Variants in CHD1L observed in about 807,000 individuals in gnomAD.
CHD1L encodes the protein ATP-dependent chromatin remodeler CHD1L.
In CHD1L, 118 loss-of-function variants were observed where a neutral mutation model predicts 115.9. The ratio of observed to expected loss-of-function variants is 1.02; its 90% confidence interval spans 0.88 to 1.19. CHD1L has a LOEUF of 1.19. Ranked by LOEUF, CHD1L falls within the 50% of genes most tolerant of loss-of-function variation. The pLI is 0.00. For missense variants in CHD1L, 1,179 were observed against 1,065.3 expected, an observed-to-expected ratio of 1.11 and a Z score of -1.49; for synonymous variants, 411 against 387.1, an observed-to-expected ratio of 1.06 and a Z score of -0.72.
chr1:147,264,722 G>C, intron 7 of CHD1L, 138 bp downstream of exon 7: 1 of 803,160 alleles, frequency 1.2e-6, no homozygotes, highest in Non-Finnish European at 1.9e-6. Context: ...CTGATATTAG[G>C]GAGATGTTAA....
At chr1:147,278,096 T>C (rs986105282) in intron 14 of CHD1L, among the ~76,000 whole-genome samples, 2 of 152,150 alleles carry the variant, frequency 1.3e-5, no homozygotes, top group Non-Finnish European at 2.9e-5. Flanking sequence ...CTGACTCTAA[T>C]GTCTGATTTA....
At chr1:147,232,183 A>C in the CHD1L span, among the ~76,000 whole-genome samples, 1 of 152,180 alleles carries the variant, frequency 6.6e-6, no homozygotes, top group South Asian at 2.1e-4. Flanking sequence ...CTGTGACATG[A>C]GTGAGAAATA....
chr1:147,288,588 G>A (rs1684311304), intron 19 of CHD1L, among the ~76,000 whole-genome samples: 2 of 152,140 alleles, frequency 1.3e-5, no homozygotes, highest in African/African-American at 4.8e-5. Context: ...GGCTGAGGCA[G>A]AAGAATCACT....
Position 147,276,548 on chromosome 1 carries a change from G to A in CHD1L, c.1539+291G>A, listed in dbSNP as rs7521661. ...ACACCACAGGTTAGCTCAGAGGGCT[G>A]TTAAGAGAATTAGTTAAAATAAAGA... On this transcript the variant is annotated intron_variant, in intron 14 of 22. Transcript: ENST00000369258. Among the ~76,000 whole-genome samples, 1,497 of 152,310 alleles carry A rather than the reference G, an allele frequency of 9.8e-3. 22 individuals are homozygous for A. Among genetic ancestry groups the A allele is most frequent in the African/African-American group, 0.035 (1,451 of 41,564 alleles).
the CHD1L span, chr1:147,190,277 G>T: frequency 3.1e-5 from 41 of 1,342,088 alleles, no homozygotes; most frequent in South Asian, 4.6e-4. Flanking sequence ...CATTTTAACT[G>T]TAAAATTACC....
the CHD1L span, chr1:147,211,360 T>A: frequency 1.3e-5 from 2 of 152,236 alleles, no homozygotes; most frequent in African/African-American, 4.8e-5. Context: ...ATATAATTAT[T>A]TTAATTATTT....
chr1:147,268,260 TC>T (rs1160463875), intron 9 of CHD1L, among the ~76,000 whole-genome samples: 1 of 152,152 alleles, frequency 6.6e-6, no homozygotes. Context: ...CTTTTTTGAT[TC>T]CCTGATTGGT....
chr1:147,179,974 C>A, the CHD1L span, among the ~76,000 whole-genome samples: 1 of 144,274 alleles, frequency 6.9e-6, no homozygotes, highest in Non-Finnish European at 1.5e-5. Context: ...AATAGGAATG[C>A]GGTCCATGGT....
chr1:147,291,976 G>C (rs1373861149), intron 20 of CHD1L, among the ~76,000 whole-genome samples: 1 of 151,890 alleles, frequency 6.6e-6, no homozygotes, highest in East Asian at 1.9e-4. Flanking sequence ...GGGGGTTGGG[G>C]CTTCAATATA....
the CHD1L span, among the ~76,000 whole-genome samples, chr1:147,234,030 C>A: frequency 5.3e-3 from 807 of 152,238 alleles, 4 homozygotes; most frequent in Non-Finnish European, 8.8e-3. Context: ...GACCTTCCCT[C>A]TACTATTGTC....
chr1:147,242,226 A>C (rs1664975404), upstream of CHD1L, among the ~76,000 whole-genome samples: 1 of 152,184 alleles, frequency 6.6e-6, no homozygotes, highest in African/African-American at 2.4e-5. Flanking sequence ...GCAGTAAGAA[A>C]GGGATTTCAG....
At chr1:147,233,326 G>A in the CHD1L span, among the ~76,000 whole-genome samples, 1 of 151,960 alleles carries the variant, frequency 6.6e-6, no homozygotes, top group Admixed American at 6.5e-5. Context: ...CAGGAGGGAG[G>A]TGGGGATCAG....
chr1:147,280,350 C>T (rs1289042177), intron 15 of CHD1L, among the ~76,000 whole-genome samples, 159 bp downstream of exon 15: 9 of 152,146 alleles, frequency 5.9e-5, no homozygotes, highest in African/African-American at 2.2e-4. Flanking sequence ...GATAAAAGAA[C>T]GTTACCCAAA....
chr1:147,280,301 ACC>A, intron 15 of CHD1L, 110 bp downstream of exon 15: 1 of 1,119,960 alleles, frequency 8.9e-7, no homozygotes, highest in Non-Finnish European at 1.2e-6. Flanking sequence ...TTTCTCCCTT[ACC>A]CTATTGTCAT....
chr1:147,193,714 T>A, the CHD1L span, among the ~76,000 whole-genome samples: 4 of 152,298 alleles, frequency 2.6e-5, no homozygotes, highest in African/African-American at 7.2e-5. Context: ...GTGTCTTTGT[T>A]CCCATTGGTT....
Position 147,284,592 on chromosome 1 carries a change from G to C in CHD1L, c.1854+93G>C, listed in dbSNP as rs587643716. ...ATGCTGGCATCGTTTTGTTCTCTTA[G>C]GATGATTTGTCAAGAAATAAGTATG... On this transcript the variant is annotated intron_variant, in intron 16 of 22. Transcript: ENST00000369258. The C allele has an allele frequency of 7.9e-6, 9 of 1,144,714 alleles. No homozygotes were observed. In the East Asian group the frequency reaches 1.3e-4, roughly 17 times the overall value. 70.9% of individuals were successfully genotyped at this position (1,144,714 alleles called of 1,614,324 possible).
At chr1:147,275,505 C>A in intron 13 of CHD1L, 37 bp downstream of exon 13, 2 of 1,512,054 alleles carry the variant, frequency 1.3e-6, no homozygotes, top group Non-Finnish European at 1.8e-6. Context: ...GCTTGCCCAG[C>A]AGCAGTTCTG....
At chr1:147,224,784 A>C in the CHD1L span, 2 of 984,264 alleles carry the variant, frequency 2.0e-6, no homozygotes, top group Admixed American at 3.6e-5. Flanking sequence ...TGCTAGGATT[A>C]CAGGCGTGTG....
intron 22 of CHD1L, 152 bp downstream of exon 22, chr1:147,294,669 T>G: frequency 3.7e-6 from 2 of 544,576 alleles, no homozygotes; most frequent in South Asian, 2.9e-5. Flanking sequence ...AGAAGCACTT[T>G]CTAACTTGTG....
Sources: gnomAD v4.1 joint callset for allele counts (sites outside exome capture counted in the v4.1 genomes callset) on GRCh38, gnomAD v4.1.1 for gene constraint, MANE v1.5 for transcripts, NCBI Gene and HGNC (gene_info 2026-07-23, HGNC 2026-07-21) for gene names.